The following CLIP4 variants were observed in gnomAD, a reference collection of about 807,000 sequenced individuals.
CLIP4 encodes the protein CAP-Gly domain-containing linker protein 4.
CLIP4 carries 47 observed loss-of-function variants against 73.1 expected under a neutral mutation model. The ratio of observed to expected loss-of-function variants is 0.64; its 90% CI spans 0.51 to 0.82. The LOEUF (loss-of-function observed/expected upper bound fraction) is 0.82, where lower values mean the gene tolerates loss of function less well. Among genes scored for constraint, CLIP4 ranks in the 40% least tolerant of loss-of-function variants. The pLI, the probability that CLIP4 is intolerant of heterozygous loss-of-function variation, is 0.00. For missense variants in CLIP4, 874 were observed against 852.9 expected (o/e 1.02, Z -0.31); for synonymous variants, 306 against 295.4 (o/e 1.04, Z -0.37).
chr2:29,160,833 C>G (rs1029377235), intron 12 of CLIP4, among the ~76,000 whole-genome samples: 16 of 152,014 alleles, frequency 1.1e-4, no homozygotes, highest in Non-Finnish European at 2.4e-4. Context: ...AATTGTATAC[C>G]TTTTTAAAAG....
At chr2:29,159,388 T>C (rs1667140132) in intron 11 of CLIP4, among the ~76,000 whole-genome samples, 1 of 152,192 alleles carries the variant, frequency 6.6e-6, no homozygotes, top group South Asian at 2.1e-4. Flanking sequence ...TTTCAGCTGT[T>C]ATATTTGAAC....
At chr2:29,136,705 A>AGG (rs1318521556) in intron 6 of CLIP4, among the ~76,000 whole-genome samples, 2 of 152,094 alleles carry the variant, frequency 1.3e-5, no homozygotes, top group Non-Finnish European at 2.9e-5. Flanking sequence ...CAGGTACTGA[A>AGG]GGGAGGGTGA....
chr2:29,124,374 CTT>C (rs201333421), intron 2 of CLIP4, among the ~76,000 whole-genome samples: 3 of 151,716 alleles, frequency 2.0e-5, no homozygotes, highest in African/African-American at 2.4e-5. Flanking sequence ...GATGTAATGT[CTT>C]TTTTTTGGCT....
Position 29,182,414 on chromosome 2 carries a change from C to T in CLIP4, c.*521C>T, listed in dbSNP as rs1668688579. The T allele has an allele frequency of 6.6e-6, 1 of 152,524 alleles. No individual in the cohort carries two copies. The highest frequency in any genetic ancestry group is 2.4e-5 in the African/African-American group (1 of 41,416). 9.4% of individuals were successfully genotyped at this position (152,524 alleles called of 1,614,324 possible). Reference sequence around the variant, plus strand: ...TTATATTTTGGTAAAATTATTTGCCCTTTCAGAAATGCCTCATCTAAAGAT... The same window carrying T: ...TTATATTTTGGTAAAATTATTTGCCTTTTCAGAAATGCCTCATCTAAAGAT... On this transcript the variant is annotated 3_prime_UTR_variant, in exon 16 of 16. Coordinates refer to ENST00000320081, the MANE Select transcript of CLIP4 (RefSeq NM_024692.6).
chr2:29,151,641 C>A (rs1666575285), intron 8 of CLIP4, among the ~76,000 whole-genome samples: 1 of 152,112 alleles, frequency 6.6e-6, no homozygotes, highest in African/African-American at 2.4e-5. Flanking sequence ...TAACAAAGCA[C>A]TCACTTCTTA....
Position 29,121,251 on chromosome 2 carries a change from A to G in CLIP4, c.-15-123A>G, listed in dbSNP as rs537163978. Reference sequence around the variant, plus strand: ...AAAGGAATTTTTTCCCTTTCATAAAAGATCCTTACTGAAAATGTCAGCAGA... The same window carrying G: ...AAAGGAATTTTTTCCCTTTCATAAAGGATCCTTACTGAAAATGTCAGCAGA... On this transcript the variant is annotated intron_variant, in intron 1 of 15. Coordinates refer to ENST00000320081, the MANE Select transcript of CLIP4 (RefSeq NM_024692.6). 240 of 993,350 alleles carry G rather than the reference A, an allele frequency of 2.4e-4. 1 individual carries two copies. The East Asian group carries it at 6.3e-3, about 26-fold the overall frequency. The allele number at this position is 993,350 out of a possible 1,614,324, so 61.5% of individuals were successfully genotyped here. A position where few individuals can be genotyped will look rare whatever the true frequency, so the allele number is the denominator to read the frequency against.
intron 1 of CLIP4, among the ~76,000 whole-genome samples, chr2:29,101,312 G>GA (rs75588803): frequency 0.027 from 2,878 of 105,312 alleles, 35 homozygotes; most frequent in African/African-American, 0.045. Context: ...AAAAAAAAAA[G>GA]AAAAAAAAAA....
intron 1 of CLIP4, among the ~76,000 whole-genome samples, chr2:29,105,806 G>C (rs1668186828): frequency 6.6e-6 from 1 of 152,210 alleles, no homozygotes; most frequent in African/African-American, 2.4e-5. Flanking sequence ...AAAAATGGCT[G>C]TCTGTGAACC....
At position 29,135,664 on chromosome 2, in the gene CLIP4, A is replaced by G. The variant is rs1033210858; in HGVS notation, c.646A>G (p.Arg216Gly). 1 of 1,583,482 alleles carries G rather than the reference A, an allele frequency of 6.3e-7. No individual in the cohort carries two copies. Among genetic ancestry groups the G allele is most frequent in the African/African-American group, 1.4e-5 (1 of 73,864 alleles). Reference protein sequence around the residue: ...LLEQGANPAFRNDKGQIPADV... With the variant: ...LLEQGANPAFGNDKGQIPADV... ...GGAGCAGGGAGCAAATCCTGCATTTAGGGTAAGAGGTTAAATTAAAAGTGA... is the reference window on the plus strand; with the variant it reads ...GGAGCAGGGAGCAAATCCTGCATTTGGGGTAAGAGGTTAAATTAAAAGTGA... Residue 216 changes from arginine to glycine, a missense_variant and splice_region_variant, in exon 6 of 16, where the codon AGG becomes GGG. By Grantham distance (125) the Arg-to-Gly change is moderately radical. Coordinates refer to ENST00000320081, the MANE Select transcript of CLIP4 (RefSeq NM_024692.6).
At chr2:29,122,840 A>G (rs1664355580) in intron 2 of CLIP4, among the ~76,000 whole-genome samples, 1 of 151,334 alleles carries the variant, frequency 6.6e-6, no homozygotes, top group Admixed American at 6.6e-5. Context: ...AAAAAAAAAA[A>G]AAAAAAAAAA....
In CLIP4 at chr2:29,133,783, A is replaced by G. The variant is rs1665148949; in HGVS notation, c.496A>G (p.Ile166Val). The change falls in exon 5 of 16, where the codon ATA becomes GTA. Residue 166 changes from isoleucine to valine, a missense_variant. Transcript: ENST00000320081. ...TGCTTATTTTGATGTCCCTGAACTTATAAGAGTGATTTTGAAAACATCGAA... is the reference window on the plus strand; with the variant it reads ...TGCTTATTTTGATGTCCCTGAACTTGTAAGAGTGATTTTGAAAACATCGAA... ...YAAYFDVPEL[I>V]RVILKTSKPK... is the part of the protein sequence containing the mutation. The G allele has an allele frequency of 6.2e-7, 1 of 1,608,274 alleles. No homozygotes were observed. Among genetic ancestry groups the G allele is most frequent in the Non-Finnish European group, 8.5e-7 (1 of 1,178,490 alleles).
chr2:29,181,591 C>T lies in CLIP4; in HGVS notation c.1816C>T (p.Arg606Cys), dbSNP rs749603938. The T allele has an allele frequency of 6.2e-6, 10 of 1,607,668 alleles. No homozygotes were observed. Among genetic ancestry groups the T allele is most frequent in the Admixed American group, 1.7e-5 (1 of 59,500 alleles). ...GCACAGATCGAAAGCTGCTTTGCGTCGCAGTTGGAGCAGCACCCCCACCGC... is the reference window on the plus strand; with the variant it reads ...GCACAGATCGAAAGCTGCTTTGCGTTGCAGTTGGAGCAGCACCCCCACCGC... ...AFSKSKAALRRSWSSTPTAGG... is the reference protein window; with the variant it reads ...AFSKSKAALRCSWSSTPTAGG... Residue 606 changes from arginine (R) to cysteine (C), a missense_variant, in exon 16 of 16, where the codon CGC (arginine) becomes TGC (cysteine). By Grantham distance (180) the Arg-to-Cys change is radical. Transcript: ENST00000320081.
At chr2:29,170,480 C>G (rs1277104050) in intron 14 of CLIP4, among the ~76,000 whole-genome samples, 2 of 152,134 alleles carry the variant, frequency 1.3e-5, no homozygotes, top group Non-Finnish European at 2.9e-5. Context: ...TCTTGTTGTT[C>G]TTTGTATATT....
Position 29,157,285 on chromosome 2 carries a change from C to G in CLIP4, c.1337C>G (p.Ala446Gly). Residue 446 changes from alanine (A) to glycine (G), a missense_variant, in exon 11 of 16, where the codon GCA becomes GGA. By Grantham distance (60) the Ala-to-Gly change is moderately conservative. Coordinates refer to ENST00000320081, the MANE Select transcript of CLIP4 (RefSeq NM_024692.6). The part of the protein sequence containing the change: ...HRQSYPKKQN[A>G]ISSNKKTMSK... Reference sequence around the variant, plus strand: ...CAGAGCTACCCCAAGAAACAGAATGCAATCAGCAGTAACAAGAAGACAATG... The same window carrying G: ...CAGAGCTACCCCAAGAAACAGAATGGAATCAGCAGTAACAAGAAGACAATG... 6.2e-7 allele frequency: 1 copy of G among 1,614,138 alleles called. No homozygotes were observed. Among genetic ancestry groups the G allele is most frequent in the Non-Finnish European group, 8.5e-7 (1 of 1,179,984 alleles).
intron 1 of CLIP4, among the ~76,000 whole-genome samples, chr2:29,101,511 GTTC>G (rs1426965530): frequency 6.6e-6 from 1 of 152,052 alleles, no homozygotes. Flanking sequence ...GCCTTTCAAT[GTTC>G]TTCTGCCTGC....
At chr2:29,161,893 T>C (rs992631771) in intron 12 of CLIP4, among the ~76,000 whole-genome samples, 1 of 152,180 alleles carries the variant, frequency 6.6e-6, no homozygotes, top group South Asian at 2.1e-4. Context: ...TGCGGAAACA[T>C]GACAGGACCA....
intron 11 of CLIP4, among the ~76,000 whole-genome samples, chr2:29,158,146 C>T (rs1667048560): frequency 6.6e-6 from 1 of 152,106 alleles, no homozygotes; most frequent in Admixed American, 6.6e-5. Flanking sequence ...TGAAAGTTTT[C>T]CCTGAAATTG....
chr2:29,142,506 A>G (rs1665842575), intron 6 of CLIP4, among the ~76,000 whole-genome samples: 1 of 152,134 alleles, frequency 6.6e-6, no homozygotes. Context: ...TTTAGAGAGT[A>G]TACATTAGTG....
In CLIP4 at chr2:29,132,225, A is replaced by C. The variant is rs776743176; in HGVS notation, c.347A>C (p.Lys116Thr). 2.5e-6 allele frequency: 4 copies of C among 1,613,280 alleles called. No individual in the cohort carries two copies. Among genetic ancestry groups the C allele is most frequent in the Non-Finnish European group, 3.4e-6 (4 of 1,179,458 alleles). The stretch of plus-strand genomic sequence containing the variant: ...ATGACTCTTTTACATTATACCTGCA[A>C]ATCTGGAGCTCATGGTATTGGTAAG... ...TDMTLLHYTC[K>T]SGAHGIGDVE... The change falls in exon 4 of 16, where the codon AAA (lysine) becomes ACA (threonine). Residue 116 changes from lysine to threonine, a missense_variant. Lys to Thr is a moderately conservative substitution (Grantham distance 78). Coordinates refer to ENST00000320081, the MANE Select transcript of CLIP4 (RefSeq NM_024692.6).
Sources: allele counts gnomAD v4.1 joint callset (sites outside exome capture counted in the v4.1 genomes callset), GRCh38; gene constraint gnomAD v4.1.1; transcripts MANE v1.5; gene names NCBI Gene and HGNC (gene_info 2026-07-23, HGNC 2026-07-21).